CNTNAP2: variants seen among roughly 807,000 people sequenced by gnomAD.
CNTNAP2 encodes the protein contactin-associated protein-like 2.
A neutral mutation model predicts 155.2 loss-of-function variants in CNTNAP2; 98 were observed. The ratio of observed to expected loss-of-function variants is 0.63; its 90% CI spans 0.54 to 0.75. The LOEUF is 0.75. Among genes scored for constraint, CNTNAP2 ranks in the 30% least tolerant of loss-of-function variants. CNTNAP2 has a pLI of 0.00. For missense variants in CNTNAP2, 1,727 were observed against 1,688.1 expected (o/e 1.02, Z -0.40); for synonymous variants, 651 against 631.2 (o/e 1.03, Z -0.47).
intron 1 of CNTNAP2, among the ~76,000 whole-genome samples, chr7:146,517,512 T>C (rs1435665599): frequency 1.3e-5 from 2 of 151,846 alleles, no homozygotes; most frequent in South Asian, 4.2e-4. Flanking sequence ...TGATGTGGCT[T>C]GAATGTGGAA....
intron 1 of CNTNAP2, among the ~76,000 whole-genome samples, chr7:146,553,483 GT>G: frequency 6.6e-6 from 1 of 151,962 alleles, no homozygotes; most frequent in South Asian, 2.1e-4. Context: ...ATAGATAAGT[GT>G]TTTTCCTATA....
chr7:146,833,964 G>C (rs566026645), intron 2 of CNTNAP2, among the ~76,000 whole-genome samples: 1 of 151,972 alleles, frequency 6.6e-6, no homozygotes, highest in Non-Finnish European at 1.5e-5. Flanking sequence ...AGCAGAAGGG[G>C]GTCTCAAAGC....
intron 3 of CNTNAP2, among the ~76,000 whole-genome samples, chr7:146,969,383 G>C (rs1280489835): frequency 6.6e-6 from 1 of 152,030 alleles, no homozygotes; most frequent in South Asian, 2.1e-4. Flanking sequence ...TTTCTGTCTT[G>C]TTGATCTGTC....
At chr7:147,591,955 G>GA (rs1287676675) in intron 12 of CNTNAP2, among the ~76,000 whole-genome samples, 1 of 152,164 alleles carries the variant, frequency 6.6e-6, no homozygotes, top group Non-Finnish European at 1.5e-5. Context: ...TATATTCCAA[G>GA]AAGCATGGCT....
intron 1 of CNTNAP2, among the ~76,000 whole-genome samples, chr7:146,671,019 A>G (rs1222822163): frequency 6.6e-6 from 1 of 152,178 alleles, no homozygotes; most frequent in African/African-American, 2.4e-5. Flanking sequence ...TATAAACACA[A>G]CGAACTTCAA....
At chr7:147,866,338 A>G (rs1424634215) in intron 13 of CNTNAP2, among the ~76,000 whole-genome samples, 2 of 152,102 alleles carry the variant, frequency 1.3e-5, no homozygotes, top group Admixed American at 1.3e-4. Flanking sequence ...TTTACTTCCA[A>G]TTTTGTGGTC....
intron 13 of CNTNAP2, among the ~76,000 whole-genome samples, chr7:147,703,674 G>A (rs935586035): frequency 6.6e-6 from 1 of 152,262 alleles, no homozygotes. Flanking sequence ...TAGGGTGTCT[G>A]TCATCTGGAG....
intron 21 of CNTNAP2, among the ~76,000 whole-genome samples, chr7:148,356,828 A>G (rs547382362): frequency 5.3e-5 from 8 of 151,744 alleles, no homozygotes; most frequent in Admixed American, 1.3e-4. Flanking sequence ...CTTCGCTTCA[A>G]TCTCACTCAT....
intron 21 of CNTNAP2, among the ~76,000 whole-genome samples, chr7:148,331,607 A>G (rs1177126316): frequency 2.4e-4 from 36 of 147,062 alleles, no homozygotes; most frequent in South Asian, 4.6e-4. Flanking sequence ...GATGGATGGA[A>G]TGGACGGATG....
chr7:147,353,110 T>TATGTATATATACATACATATAC (rs1563171411), intron 9 of CNTNAP2, among the ~76,000 whole-genome samples: 10 of 150,396 alleles, frequency 6.6e-5, no homozygotes, highest in Admixed American at 2.0e-4. Context: ...CACACACACA[T>TATGTATATATACATACATATAC]GTATATGTAT....
intron 1 of CNTNAP2, among the ~76,000 whole-genome samples, chr7:146,726,413 CTTA>C (rs144972888): frequency 2.2e-4 from 33 of 151,864 alleles, no homozygotes; most frequent in African/African-American, 7.7e-4. Flanking sequence ...TTTAGCTTCC[CTTA>C]TTTTGGGGCC....
chr7:147,558,878 G>A (rs1031656149), intron 11 of CNTNAP2, among the ~76,000 whole-genome samples: 1 of 152,102 alleles, frequency 6.6e-6, no homozygotes, highest in African/African-American at 2.4e-5. Context: ...GAATAGCTGG[G>A]ACAACAGGCA....
intron 5 of CNTNAP2, among the ~76,000 whole-genome samples, chr7:147,111,892 T>G (rs1017306875): frequency 2.4e-4 from 36 of 152,194 alleles, no homozygotes; most frequent in African/African-American, 8.0e-4. Context: ...TTTTTTTAAA[T>G]TCTCTGAAGA....
intron 14 of CNTNAP2, among the ~76,000 whole-genome samples, chr7:147,921,966 A>G (rs530577826): frequency 6.6e-6 from 1 of 152,294 alleles, no homozygotes; most frequent in East Asian, 1.9e-4. Context: ...CAAATCAAAG[A>G]GAACTTGTGA....
rs1159876044 is a variant in CNTNAP2, at chr7:147,801,943, C to CG, written c.2099-101619dup. On this transcript the variant is annotated intron_variant, in intron 13 of 23. Transcript: ENST00000361727. ...TCACCTCCTGGACGGGGCGGCTGGC[C>CG]GGGCGGGGGGCTGACACCCCCACCT... Among the ~76,000 whole-genome samples, 50 of 149,566 alleles carry CG rather than the reference C, an allele frequency of 3.3e-4. 2 individuals carry two copies. In the South Asian group the frequency reaches 9.9e-3, roughly 30 times the overall value.
intron 1 of CNTNAP2, among the ~76,000 whole-genome samples, chr7:146,384,667 T>C (rs909669392): frequency 6.6e-6 from 1 of 152,144 alleles, no homozygotes; most frequent in Non-Finnish European, 1.5e-5. Context: ...AGTTTATTAA[T>C]AAGCACAATG....
intron 21 of CNTNAP2, among the ~76,000 whole-genome samples, chr7:148,316,410 A>T (rs1302472117): frequency 6.6e-6 from 1 of 152,168 alleles, no homozygotes; most frequent in African/African-American, 2.4e-5. Flanking sequence ...TCAGATTCAG[A>T]GCATGACCAT....
intron 11 of CNTNAP2, among the ~76,000 whole-genome samples, chr7:147,552,784 A>G (rs556234962): frequency 8.5e-5 from 13 of 152,346 alleles, no homozygotes; most frequent in Non-Finnish European, 1.6e-4. Flanking sequence ...CCCTGTAGCC[A>G]GAATTCCTGT....
rs530706798 is a variant in CNTNAP2, at chr7:148,304,153, G to A, written c.3475+37027G>A. Among the ~76,000 whole-genome samples the A allele has an allele frequency of 3.9e-5, 6 of 152,264 alleles. No individual in the cohort carries two copies. The East Asian group carries it at 1.2e-3, about 29-fold the overall frequency. On this transcript the variant is annotated intron_variant, in intron 21 of 23. Coordinates refer to ENST00000361727, the MANE Select transcript of CNTNAP2 (RefSeq NM_014141.6). The stretch of plus-strand genomic sequence containing the variant: ...AACTAAAAATAAAAAAGCCAAAAGA[G>A]AGGAAACTTGATAGGTTCAAAACAG...
Sources: allele counts gnomAD v4.1 joint callset (sites outside exome capture counted in the v4.1 genomes callset), GRCh38; gene constraint gnomAD v4.1.1; transcripts MANE v1.5; gene names NCBI Gene and HGNC (gene_info 2026-07-23, HGNC 2026-07-21).